AATF: variants seen among roughly 807,000 people sequenced by gnomAD.
The protein encoded by AATF is protein AATF.
Under a neutral mutation model 63.7 loss-of-function variants are expected in AATF, and 48 were observed. The ratio of observed to expected loss-of-function variants is 0.75; its 90% CI spans 0.60 to 0.96. The LOEUF (loss-of-function observed/expected upper bound fraction) is 0.96. Ranked by LOEUF, AATF falls within the 40% of genes least tolerant of loss-of-function variation. AATF has a pLI of 0.00. For missense variants in AATF, 639 were observed against 685.7 expected, an observed-to-expected ratio of 0.93 and a Z score of 0.76; for synonymous variants, 258 against 247.7, an observed-to-expected ratio of 1.04 and a Z score of -0.39.
chr17:37,053,085 T>C (rs1362501714), intron 11 of AATF, among the ~76,000 whole-genome samples: 1 of 152,118 alleles, frequency 6.6e-6, no homozygotes, highest in Non-Finnish European at 1.5e-5. Flanking sequence ...TATGACAACA[T>C]TTCTCAGTGC....
intron 8 of AATF, 72 bp downstream of exon 8, chr17:36,990,929 C>G: frequency 3.5e-6 from 4 of 1,147,222 alleles, no homozygotes; most frequent in Non-Finnish European, 4.9e-6. Context: ...ATTCTCTGAA[C>G]AAAGAAGTTG....
intron 4 of AATF, 134 bp downstream of exon 4, chr17:36,954,041 C>G (rs1447029392): frequency 6.0e-5 from 52 of 869,058 alleles, no homozygotes; most frequent in Non-Finnish European, 9.0e-5. Flanking sequence ...CTCCCCTCCC[C>G]ATCCCCCTTG....
intron 9 of AATF, among the ~76,000 whole-genome samples, chr17:37,020,611 A>G (rs1217089631): frequency 1.3e-5 from 2 of 152,244 alleles, no homozygotes; most frequent in African/African-American, 4.8e-5. Flanking sequence ...TAGCTAAAAC[A>G]TTAAAAGAAA....
Position 36,949,384 on chromosome 17 carries a change from T to C in AATF, c.91+168T>C, listed in dbSNP as rs924028532. On this transcript the variant is annotated intron_variant, in intron 1 of 11. Transcript: ENST00000619387. ...GTGGTCCCGGCCTCGGGAGGAGGGCTTCGGCTTCTTTTCACACGCACTCGA... is the reference window on the plus strand; with the variant it reads ...GTGGTCCCGGCCTCGGGAGGAGGGCCTCGGCTTCTTTTCACACGCACTCGA... Among the ~76,000 whole-genome samples the C allele has an allele frequency of 3.3e-5, 5 of 152,246 alleles. No individual in the cohort carries two copies. In the East Asian group the frequency reaches 9.6e-4, roughly 29 times the overall value.
chr17:36,991,353 T>C (rs1350558917), intron 8 of AATF, among the ~76,000 whole-genome samples: 2 of 152,172 alleles, frequency 1.3e-5, no homozygotes, highest in Admixed American at 6.5e-5. Context: ...CTGCAACTGT[T>C]GATTATAATA....
Position 36,953,319 on chromosome 17 carries a change from T to G in AATF, c.694+23T>G, listed in dbSNP as rs374400751. 6.9e-6 allele frequency: 11 copies of G among 1,591,246 alleles called. No individual in the cohort carries two copies. The African/African-American group carries it at 1.2e-4, about 18-fold the overall frequency. On this transcript the variant is annotated intron_variant, in intron 3 of 11. Coordinates refer to ENST00000619387, the MANE Select transcript of AATF (RefSeq NM_012138.4). Reference sequence around the variant, plus strand: ...TAGGTTTGTACATGGTTTTGCTGATTGCCTGTTTTTCAAAGTATCTGCATT... The same window carrying G: ...TAGGTTTGTACATGGTTTTGCTGATGGCCTGTTTTTCAAAGTATCTGCATT...
intron 4 of AATF, among the ~76,000 whole-genome samples, chr17:36,956,698 C>T (rs944968142): frequency 4.6e-5 from 7 of 151,880 alleles, no homozygotes; most frequent in African/African-American, 1.7e-4. Flanking sequence ...AGTTCTTGGC[C>T]GGGCACGGTG....
At chr17:36,956,534 G>A (rs1446126734) in intron 4 of AATF, among the ~76,000 whole-genome samples, 3 of 152,080 alleles carry the variant, frequency 2.0e-5, no homozygotes, top group Non-Finnish European at 2.9e-5. Flanking sequence ...TTAGCCAAGT[G>A]TGGTGGCAGG....
At chr17:37,009,823 C>CAAAAAA (rs1160362372) in intron 8 of AATF, among the ~76,000 whole-genome samples, 864 of 28,782 alleles carry the variant, frequency 0.03, 84 homozygotes, top group East Asian at 0.077. Flanking sequence ...GACTCCGTCT[C>CAAAAAA]AAAAAAAAAA....
intron 4 of AATF, among the ~76,000 whole-genome samples, chr17:36,979,797 C>T (rs1204292882): frequency 4.6e-5 from 7 of 152,124 alleles, no homozygotes; most frequent in Non-Finnish European, 8.8e-5. Flanking sequence ...CATGCCCAAA[C>T]TTATTCCTCG....
intron 8 of AATF, among the ~76,000 whole-genome samples, chr17:36,996,172 C>G (rs957142039): frequency 1.3e-5 from 2 of 152,116 alleles, no homozygotes; most frequent in East Asian, 3.9e-4. Flanking sequence ...TGGCTCACAC[C>G]TGTAATCTCA....
At chr17:37,006,345 T>C (rs560020378) in intron 8 of AATF, among the ~76,000 whole-genome samples, 1 of 152,178 alleles carries the variant, frequency 6.6e-6, no homozygotes, top group East Asian at 1.9e-4. Flanking sequence ...GGTGCATGCC[T>C]GTAATCCCAG....
chr17:37,035,542 T>C (rs1344666396), intron 11 of AATF, among the ~76,000 whole-genome samples: 1 of 104,686 alleles, frequency 9.6e-6, no homozygotes, highest in Non-Finnish European at 2.4e-5. Flanking sequence ...TGTTTCCAAC[T>C]TTTTTTTTTT....
In AATF at chr17:36,949,038, G is replaced by C. The variant is rs1281057965; in HGVS notation, c.-88G>C. On this transcript the variant is annotated 5_prime_UTR_variant, in exon 1 of 12. Transcript: ENST00000619387. ...GAGTCGGGGAATCGGATCAAGGCGA[G>C]AGGATCCGGCAGGGAAGGAGCTTCG... 1.7e-6 allele frequency: 2 copies of C among 1,209,492 alleles called. No individual in the cohort carries two copies. Among genetic ancestry groups the C allele is most frequent in the Non-Finnish European group, 2.3e-6 (2 of 855,678 alleles). The allele number at this position is 1,209,492 out of a possible 1,614,324, so 74.9% of individuals were successfully genotyped here.
chr17:36,986,955 C>T (rs1042795659), intron 5 of AATF, among the ~76,000 whole-genome samples: 2 of 152,126 alleles, frequency 1.3e-5, no homozygotes, highest in Non-Finnish European at 2.9e-5. Context: ...CAAAGGCTTG[C>T]CTTCTCTTTA....
intron 4 of AATF, among the ~76,000 whole-genome samples, chr17:36,972,325 A>T (rs2071045603): frequency 6.6e-6 from 1 of 152,184 alleles, no homozygotes; most frequent in Non-Finnish European, 1.5e-5. Context: ...TCTCTCTTTG[A>T]TAAGTGATAT....
intron 11 of AATF, among the ~76,000 whole-genome samples, chr17:37,031,996 G>A (rs1017906758): frequency 1.3e-5 from 2 of 152,122 alleles, no homozygotes; most frequent in Non-Finnish European, 2.9e-5. Flanking sequence ...TTGTACTTGG[G>A]GCTGTTGTGC....
intron 4 of AATF, among the ~76,000 whole-genome samples, chr17:36,970,279 G>T (rs1255445353): frequency 1.3e-5 from 2 of 152,146 alleles, no homozygotes; most frequent in East Asian, 1.9e-4. Flanking sequence ...AGAACATTTG[G>T]TATGTTCTTA....
chr17:37,030,471 G>A (rs2071543963), intron 10 of AATF, among the ~76,000 whole-genome samples: 1 of 152,012 alleles, frequency 6.6e-6, no homozygotes, highest in South Asian at 2.1e-4. Flanking sequence ...TATATAGAGA[G>A]GGCACATTAT....
Sources: gnomAD v4.1 joint callset for allele counts (sites outside exome capture counted in the v4.1 genomes callset) on GRCh38, gnomAD v4.1.1 for gene constraint, MANE v1.5 for transcripts, NCBI Gene and HGNC (gene_info 2026-07-23, HGNC 2026-07-21) for gene names.